HHLA2: variants seen among roughly 807,000 people sequenced by gnomAD.
The protein encoded by HHLA2 is HERV-H LTR-associating protein 2.
Under a neutral mutation model 45.9 loss-of-function variants are expected in HHLA2, and 48 were observed. The observed-to-expected ratio is 1.05, with a 90% CI of 0.83 to 1.33. The LOEUF (loss-of-function observed/expected upper bound fraction) is 1.33, where lower values mean the gene tolerates loss of function less well. Ranked by LOEUF, HHLA2 falls within the 40% of genes most tolerant of loss-of-function variation. HHLA2 has a pLI of 0.00. For synonymous variants in HHLA2, 161 were observed against 173.9 expected (o/e 0.93, Z 0.59); for missense variants, 462 against 494.3 (o/e 0.93, Z 0.62).
chr3:108,315,766 T>C (rs1054554676), intron 2 of HHLA2, among the ~76,000 whole-genome samples: 5 of 152,206 alleles, frequency 3.3e-5, no homozygotes, highest in Admixed American at 6.5e-5. Flanking sequence ...TGTTTGTTTG[T>C]TTTTAAACTA....
At chr3:108,306,423 G>A (rs1043684458) in intron 1 of HHLA2, among the ~76,000 whole-genome samples, 2 of 152,004 alleles carry the variant, frequency 1.3e-5, no homozygotes, top group African/African-American at 4.8e-5. Context: ...TCTTTTCCTG[G>A]GTTTAAATAA....
chr3:108,346,474 T>C (rs2081662503), intron 3 of HHLA2, among the ~76,000 whole-genome samples: 1 of 152,146 alleles, frequency 6.6e-6, no homozygotes, highest in Non-Finnish European at 1.5e-5. Context: ...GTAAAAACAA[T>C]GCAGAGGAGA....
At chr3:108,325,583 C>G (rs1467578117) in intron 2 of HHLA2, 1 of 252,028 alleles carries the variant, frequency 4.0e-6, no homozygotes, top group Admixed American at 4.4e-5. Context: ...ATTGGCCTCC[C>G]CCACCATAGG....
intron 1 of HHLA2, among the ~76,000 whole-genome samples, chr3:108,304,749 A>T (rs1037168089): frequency 6.6e-6 from 1 of 152,126 alleles, no homozygotes; most frequent in Non-Finnish European, 1.5e-5. Flanking sequence ...TAATCTCTCT[A>T]GATCTGGTAA....
At chr3:108,362,188 A>C (rs919927459) in intron 7 of HHLA2, among the ~76,000 whole-genome samples, 154 bp from the exon 7 acceptor site, 4 of 152,148 alleles carry the variant, frequency 2.6e-5, no homozygotes, top group Admixed American at 2.0e-4. Flanking sequence ...TTATTATGCA[A>C]AGTGTTTTCA....
chr3:108,351,878 G>A lies in HHLA2; in HGVS notation c.64+1G>A, dbSNP rs536985642. 5 of 1,603,478 alleles carry A rather than the reference G, an allele frequency of 3.1e-6. No homozygotes were observed. The East Asian group carries it at 6.7e-5, about 22-fold the overall frequency. On this transcript the variant is annotated splice_donor_variant, in intron 4 of 10. Transcript: ENST00000619531. LOFTEE classifies it high-confidence loss of function. ...ATAACATCTCTGAGTGGATCTCAAG[G>A]TAATTTCGTTTGTAATACAAGTGTT...
At position 108,370,540 on chromosome 3, in the gene HHLA2, G is replaced by A. The variant is rs578101495; in HGVS notation, c.1109-5210G>A. On this transcript the variant is annotated intron_variant, in intron 8 of 10. Coordinates refer to ENST00000619531, the Ensembl canonical transcript of HHLA2. The stretch of plus-strand genomic sequence containing the variant: ...GATCAAACTACTCTGAGCTAAAGGA[G>A]GAAGTTCGAACCCATGGCAAAGAAA... 7.2e-5 allele frequency among the ~76,000 whole-genome samples: 11 copies of A among 152,096 alleles called. No individual in the cohort carries two copies. The East Asian group carries it at 1.7e-3, about 24-fold the overall frequency.
At chr3:108,375,257 C>T (rs908411947) in intron 8 of HHLA2, among the ~76,000 whole-genome samples, 2 of 148,816 alleles carry the variant, frequency 1.3e-5, no homozygotes. Context: ...CATATTCTCA[C>T]TCATAGGTGG....
At chr3:108,353,765 G>A in exon 5 of HHLA2, 1 of 1,608,794 alleles carries the variant, frequency 6.2e-7, no homozygotes, top group Non-Finnish European at 8.5e-7. Flanking sequence ...AAACAAAGTG[G>A]TGCTAAAGGT....
At position 108,311,301 on chromosome 3, in the gene HHLA2, AT is replaced by A. The variant is rs548401478; in HGVS notation, c.-105+561del. ...AAATAATAATCAAAGACACATGTAAATATGCCAACTAAATTTGGACCTATGT... is the reference window on the plus strand; with the variant it reads ...AAATAATAATCAAAGACACATGTAAAATGCCAACTAAATTTGGACCTATGT... On this transcript the variant is annotated intron_variant, in intron 2 of 10. Transcript: ENST00000619531. Among the ~76,000 whole-genome samples, 918 of 152,314 alleles carry A rather than the reference AT, an allele frequency of 6.0e-3. 16 individuals carry two copies. The highest frequency in any genetic ancestry group is 0.021 in the African/African-American group (875 of 41,570).
chr3:108,323,821 G>A (rs542242314), intron 2 of HHLA2, among the ~76,000 whole-genome samples: 1 of 152,226 alleles, frequency 6.6e-6, no homozygotes, highest in Admixed American at 6.5e-5. Context: ...TGTTCTAGAA[G>A]GGAACTGAAA....
At chr3:108,373,999 A>T (rs2082227734) in intron 8 of HHLA2, among the ~76,000 whole-genome samples, 1 of 151,094 alleles carries the variant, frequency 6.6e-6, no homozygotes, top group Admixed American at 6.6e-5. Flanking sequence ...ATATGGAACC[A>T]AAAAAGAGCC....
intron 3 of HHLA2, among the ~76,000 whole-genome samples, chr3:108,346,230 C>T (rs1456719): frequency 0.68 from 102,859 of 152,016 alleles, 35,683 homozygotes; most frequent in African/African-American, 0.77. Context: ...AGTACATGTA[C>T]AAATCCCCTA....
intron 3 of HHLA2, among the ~76,000 whole-genome samples, chr3:108,338,839 G>T (rs2081517236): frequency 6.6e-6 from 1 of 152,180 alleles, no homozygotes; most frequent in South Asian, 2.1e-4. Flanking sequence ...GGGAGGGAGA[G>T]TTGTCCTGGA....
At chr3:108,367,196 C>T (rs565787044) in intron 8 of HHLA2, among the ~76,000 whole-genome samples, 2 of 152,230 alleles carry the variant, frequency 1.3e-5, no homozygotes, top group East Asian at 3.9e-4. Context: ...AAACCACATC[C>T]AAAGGTCATC....
At chr3:108,367,860 C>T (rs1306591473) in intron 8 of HHLA2, among the ~76,000 whole-genome samples, 1 of 151,990 alleles carries the variant, frequency 6.6e-6, no homozygotes, top group Admixed American at 6.6e-5. Flanking sequence ...CAGAGAACAC[C>T]ACTAAAATAC....
intron 3 of HHLA2, among the ~76,000 whole-genome samples, chr3:108,350,458 T>C (rs1391563595): frequency 2.0e-5 from 3 of 152,168 alleles, no homozygotes; most frequent in Non-Finnish European, 1.5e-5. Context: ...ATCTACCAGG[T>C]TTTATTTTGA....
At chr3:108,323,903 G>C (rs370786489) in intron 2 of HHLA2, among the ~76,000 whole-genome samples, 1 of 152,246 alleles carries the variant, frequency 6.6e-6, no homozygotes, top group African/African-American at 2.4e-5. Flanking sequence ...CACTTCATGG[G>C]TATCCATTTA....
chr3:108,307,247 T>C (rs1560184364), intron 1 of HHLA2, among the ~76,000 whole-genome samples: 1 of 152,208 alleles, frequency 6.6e-6, no homozygotes, highest in Admixed American at 6.5e-5. Context: ...TTCTACCTCT[T>C]TGTATATGTT....
Sources: gnomAD v4.1 joint callset for allele counts (sites outside exome capture counted in the v4.1 genomes callset) on GRCh38, gnomAD v4.1.1 for gene constraint, MANE v1.5 for transcripts, NCBI Gene and HGNC (gene_info 2026-07-23, HGNC 2026-07-21) for gene names.